Variants in FSHR observed in about 807,000 individuals in gnomAD.
The protein encoded by FSHR is follicle stimulating hormone receptor.
A neutral mutation model predicts 52.1 loss-of-function variants in FSHR; 46 were observed. The observed-to-expected ratio is 0.88, with a 90% CI of 0.70 to 1.13. The LOEUF (loss-of-function observed/expected upper bound fraction) is 1.13, where lower values mean the gene tolerates loss of function less well. Among genes scored for constraint, FSHR ranks in the 50% most tolerant of loss-of-function variants. The probability of loss-of-function intolerance (pLI) is 0.00; values close to 1 mark genes in which losing one functional copy is unlikely to be tolerated. For synonymous variants in FSHR, 399 were observed against 309.6 expected (o/e 1.29, Z -3.03); for missense variants, 964 against 834.6 (o/e 1.16, Z -1.91).
chr2:49,117,193 C>T (rs995028385), intron 1 of FSHR, among the ~76,000 whole-genome samples: 10 of 152,172 alleles, frequency 6.6e-5, no homozygotes, highest in Non-Finnish European at 1.2e-4. Context: ...AGGACAACTA[C>T]GGAATATCTA....
Position 48,976,214 on chromosome 2 carries a change from G to T in FSHR, c.668+6698C>A, listed in dbSNP as rs182395218. On this transcript the variant is annotated intron_variant, in intron 8 of 9. Transcript: ENST00000406846. ...GCATGAAGTGGTGTTGAATTTTGTCGAAGGCATTTTCTGCATCTATTGAGA... is the reference window on the plus strand; with the variant it reads ...GCATGAAGTGGTGTTGAATTTTGTCTAAGGCATTTTCTGCATCTATTGAGA... 3.4e-3 allele frequency among the ~76,000 whole-genome samples: 516 copies of T among 152,230 alleles called. 4 individuals carry two copies. The highest frequency in any genetic ancestry group is 0.012 in the African/African-American group (501 of 41,532).
chr2:49,106,341 TAGAA>T (rs371348128), intron 1 of FSHR, among the ~76,000 whole-genome samples: 5 of 151,124 alleles, frequency 3.3e-5, no homozygotes, highest in African/African-American at 1.2e-4. Context: ...GAGAGAGAGA[TAGAA>T]AGAAAGAAAA....
chr2:49,013,585 C>A (rs1417121563), intron 4 of FSHR, among the ~76,000 whole-genome samples: 1 of 145,114 alleles, frequency 6.9e-6, no homozygotes, highest in South Asian at 2.2e-4. Flanking sequence ...GGTAGAAGTG[C>A]CTTTGGAGGG....
chr2:49,009,327 A>G (rs1050682320), intron 4 of FSHR, among the ~76,000 whole-genome samples: 2 of 151,942 alleles, frequency 1.3e-5, no homozygotes, highest in Non-Finnish European at 2.9e-5. Flanking sequence ...GTCAAAGATC[A>G]GATAGTTGTA....
chr2:49,007,110 G>A (rs1011916886), intron 4 of FSHR, among the ~76,000 whole-genome samples: 1 of 152,096 alleles, frequency 6.6e-6, no homozygotes, highest in Non-Finnish European at 1.5e-5. Context: ...GAAATGGGGA[G>A]CCACCAGGCC....
intron 2 of FSHR, among the ~76,000 whole-genome samples, chr2:49,050,426 C>A: frequency 6.6e-6 from 1 of 152,154 alleles, no homozygotes; most frequent in East Asian, 1.9e-4. Context: ...GTTCCAAGGG[C>A]TTAGGCACAG....
At chr2:49,015,994 TGGG>T (rs1313917569) in intron 4 of FSHR, among the ~76,000 whole-genome samples, 2 of 152,128 alleles carry the variant, frequency 1.3e-5, no homozygotes, top group Admixed American at 1.3e-4. Flanking sequence ...AGACCCTTTC[TGGG>T]GTAGCTGTCA....
intron 1 of FSHR, among the ~76,000 whole-genome samples, chr2:49,085,496 G>A (rs1050818365): frequency 1.3e-5 from 2 of 152,208 alleles, no homozygotes; most frequent in Non-Finnish European, 2.9e-5. Context: ...TCTGGCCAGG[G>A]CAATTAGGCA....
intron 1 of FSHR, among the ~76,000 whole-genome samples, chr2:49,086,648 T>C (rs1670403467): frequency 6.6e-6 from 1 of 152,172 alleles, no homozygotes; most frequent in South Asian, 2.1e-4. Context: ...TATTTTTTAA[T>C]TTGTGTTTTT....
At chr2:48,977,976 A>C (rs1279051602) in intron 8 of FSHR, among the ~76,000 whole-genome samples, 1 of 152,210 alleles carries the variant, frequency 6.6e-6, no homozygotes, top group East Asian at 1.9e-4. Flanking sequence ...TTAACGTTGC[A>C]ACACATGCTA....
At chr2:49,085,802 A>C (rs1433775895) in intron 1 of FSHR, among the ~76,000 whole-genome samples, 9 of 152,208 alleles carry the variant, frequency 5.9e-5, no homozygotes, top group Admixed American at 5.2e-4. Context: ...GGATGAGTTC[A>C]TGTCCTTTGT....
intron 1 of FSHR, among the ~76,000 whole-genome samples, chr2:49,070,742 T>C (rs1669700016): frequency 6.6e-6 from 1 of 152,210 alleles, no homozygotes; most frequent in African/African-American, 2.4e-5. Flanking sequence ...TAATTAAATA[T>C]TTTTGATGCT....
At chr2:49,012,349 T>C (rs1178614296) in intron 4 of FSHR, among the ~76,000 whole-genome samples, 1 of 152,062 alleles carries the variant, frequency 6.6e-6, no homozygotes, top group Non-Finnish European at 1.5e-5. Flanking sequence ...CTTAAAAAAA[T>C]CCACCCAGAT....
intron 2 of FSHR, among the ~76,000 whole-genome samples, chr2:49,021,880 T>TAGAG (rs1354586601): frequency 3.9e-5 from 2 of 51,302 alleles, no homozygotes; most frequent in Admixed American, 2.6e-4. Context: ...TATATATATA[T>TAGAG]ATATATAGAG....
At chr2:49,108,947 G>A (rs577233564) in intron 1 of FSHR, among the ~76,000 whole-genome samples, 3 of 152,262 alleles carry the variant, frequency 2.0e-5, no homozygotes, top group East Asian at 3.9e-4. Flanking sequence ...CCAAAATCCT[G>A]CCTTTTTGGT....
intron 4 of FSHR, among the ~76,000 whole-genome samples, chr2:49,008,822 C>T (rs1171602483): frequency 5.4e-5 from 8 of 147,820 alleles, no homozygotes; most frequent in African/African-American, 1.8e-4. Context: ...GCATAAATGT[C>T]TTCTTTTGAG....
intron 4 of FSHR, among the ~76,000 whole-genome samples, chr2:48,998,951 C>G (rs560062824): frequency 6.6e-6 from 1 of 152,122 alleles, no homozygotes. Context: ...TGTGGTAATG[C>G]ACACAAGACT....
intron 4 of FSHR, among the ~76,000 whole-genome samples, chr2:49,005,455 C>A (rs968198518): frequency 2.6e-5 from 4 of 152,126 alleles, no homozygotes; most frequent in Non-Finnish European, 5.9e-5. Flanking sequence ...ATCCTTAGAT[C>A]CTTGCAACAC....
At chr2:49,092,372 T>C (rs980992445) in intron 1 of FSHR, among the ~76,000 whole-genome samples, 1 of 152,176 alleles carries the variant, frequency 6.6e-6, no homozygotes, top group African/African-American at 2.4e-5. Context: ...TTTTTCTTTC[T>C]TGCCTTATTA....
Sources: allele counts gnomAD v4.1 joint callset (sites outside exome capture counted in the v4.1 genomes callset), GRCh38; gene constraint gnomAD v4.1.1; transcripts MANE v1.5; gene names NCBI Gene and HGNC (gene_info 2026-07-23, HGNC 2026-07-21).